The following NRG3 variants were observed in gnomAD, a reference collection of about 807,000 sequenced individuals.
NRG3 encodes neuregulin 3, also known as pro-neuregulin-3, membrane-bound isoform.
In NRG3, 31 loss-of-function variants were observed where a neutral mutation model predicts 66.9. The ratio of observed to expected loss-of-function variants is 0.46; its 90% CI spans 0.35 to 0.63. NRG3 has a LOEUF of 0.63. NRG3 is among the 20% of genes least tolerant of loss of function. NRG3 has a pLI of 0.00. For synonymous variants in NRG3, 393 were observed against 359.4 expected (o/e 1.09, Z -1.06); for missense variants, 910 against 878.9 (o/e 1.04, Z -0.45).
At chr10:82,847,805 G>A (rs191822522) in intron 3 of NRG3, among the ~76,000 whole-genome samples, 2 of 152,268 alleles carry the variant, frequency 1.3e-5, no homozygotes, top group East Asian at 3.9e-4. Context: ...GCTAAATGTG[G>A]ATTAAGAAAT....
intron 4 of NRG3, among the ~76,000 whole-genome samples, chr10:82,876,267 A>T (rs1444954082): frequency 6.6e-6 from 1 of 151,772 alleles, no homozygotes; most frequent in African/African-American, 2.4e-5. Context: ...GTGTGAATAT[A>T]TGGACTTTAG....
intron 4 of NRG3, among the ~76,000 whole-genome samples, chr10:82,908,856 G>A (rs1845021836): frequency 6.6e-6 from 1 of 152,170 alleles, no homozygotes; most frequent in African/African-American, 2.4e-5. Flanking sequence ...GACTGGAGCT[G>A]TGGCAGTCAG....
chr10:82,895,139 A>G (rs899471291), intron 4 of NRG3, among the ~76,000 whole-genome samples: 1 of 151,384 alleles, frequency 6.6e-6, no homozygotes, highest in Non-Finnish European at 1.5e-5. Context: ...TATCCAGTCT[A>G]TCATTGATGG....
intron 6 of NRG3, among the ~76,000 whole-genome samples, chr10:82,967,678 A>G (rs1207953786): frequency 1.3e-5 from 2 of 152,256 alleles, no homozygotes; most frequent in Non-Finnish European, 2.9e-5. Context: ...CTGGTGAGAT[A>G]AGGCTCTGGT....
At chr10:82,269,456 G>A (rs1471935862) in intron 1 of NRG3, among the ~76,000 whole-genome samples, 2 of 152,072 alleles carry the variant, frequency 1.3e-5, no homozygotes, top group East Asian at 3.9e-4. Flanking sequence ...CAGCTTATCT[G>A]TATCTCCAGC....
intron 2 of NRG3, among the ~76,000 whole-genome samples, chr10:82,417,399 G>A (rs1590055879): frequency 6.6e-6 from 1 of 152,160 alleles, no homozygotes; most frequent in Non-Finnish European, 1.5e-5. Context: ...GTATGAAGAA[G>A]GAGCATAGTG....
At chr10:82,531,507 ATATTT>A (rs1208770814) in intron 2 of NRG3, among the ~76,000 whole-genome samples, 1 of 151,814 alleles carries the variant, frequency 6.6e-6, no homozygotes, top group Non-Finnish European at 1.5e-5. Context: ...TTGAATAGAA[ATATTT>A]TATAATCTAC....
At chr10:82,544,362 G>A (rs999754331) in intron 2 of NRG3, among the ~76,000 whole-genome samples, 4 of 152,100 alleles carry the variant, frequency 2.6e-5, no homozygotes. Flanking sequence ...AAAAGTTTCA[G>A]GCTGTGGTAA....
intron 3 of NRG3, among the ~76,000 whole-genome samples, chr10:82,863,055 C>G (rs1443708962): frequency 6.6e-6 from 1 of 152,116 alleles, no homozygotes; most frequent in Non-Finnish European, 1.5e-5. Context: ...GTTCGCCTCC[C>G]TGTGTTCATG....
chr10:82,163,687 A>G (rs1056073323), intron 1 of NRG3, among the ~76,000 whole-genome samples: 9 of 152,108 alleles, frequency 5.9e-5, no homozygotes, highest in South Asian at 2.1e-4. Context: ...AATCTAGGCA[A>G]TGCCTCCAGG....
chr10:82,332,964 A>G (rs1171742365), intron 1 of NRG3, among the ~76,000 whole-genome samples: 1 of 152,200 alleles, frequency 6.6e-6, no homozygotes, highest in African/African-American at 2.4e-5. Flanking sequence ...ATGTTTTTCT[A>G]CTTATATAGC....
At chr10:82,841,195 G>T (rs2063040217) in intron 3 of NRG3, among the ~76,000 whole-genome samples, 1 of 152,140 alleles carries the variant, frequency 6.6e-6, no homozygotes, top group African/African-American at 2.4e-5. Context: ...GGCAAGGAAG[G>T]ATTCTTTCCT....
intron 1 of NRG3, among the ~76,000 whole-genome samples, chr10:81,974,862 G>A (rs1368935515): frequency 1.3e-5 from 2 of 152,060 alleles, no homozygotes; most frequent in Non-Finnish European, 2.9e-5. Context: ...GAGACATTAT[G>A]TATAAGGAAG....
intron 1 of NRG3, among the ~76,000 whole-genome samples, chr10:82,178,738 A>G (rs956335865): frequency 9.2e-5 from 14 of 152,178 alleles, no homozygotes; most frequent in African/African-American, 3.4e-4. Context: ...AAATACCCAA[A>G]AGTAGGATGG....
intron 4 of NRG3, among the ~76,000 whole-genome samples, chr10:82,900,173 T>C (rs1456276340): frequency 6.6e-6 from 1 of 152,096 alleles, no homozygotes; most frequent in Non-Finnish European, 1.5e-5. Context: ...AGGACATCAC[T>C]GAGGGAATGG....
At chr10:82,386,312 G>A (rs2085983450) in intron 2 of NRG3, among the ~76,000 whole-genome samples, 2 of 152,108 alleles carry the variant, frequency 1.3e-5, no homozygotes, top group Non-Finnish European at 1.5e-5. Context: ...CTTATTAAAA[G>A]TCTTTTTTAT....
chr10:81,918,974 A>AACACACACACACACACACAC (rs542060517), intron 1 of NRG3, among the ~76,000 whole-genome samples: 1 of 150,070 alleles, frequency 6.7e-6, no homozygotes, highest in African/African-American at 2.5e-5. Context: ...ATCATAACAA[A>AACACACACACACACACACAC]ACACACACAC....
At chr10:82,424,868 G>T (rs1046684570) in intron 2 of NRG3, among the ~76,000 whole-genome samples, 1 of 151,720 alleles carries the variant, frequency 6.6e-6, no homozygotes, top group African/African-American at 2.4e-5. Flanking sequence ...GTATCTAGTT[G>T]TCTCAGCAGT....
chr10:81,877,589 T>C (rs979105197), intron 1 of NRG3: 1 of 721,516 alleles, frequency 1.4e-6, no homozygotes, highest in Non-Finnish European at 1.7e-6. Context: ...TTAAAGAATG[T>C]AGTGTATTTG....
Sources: gnomAD v4.1 joint callset for allele counts (sites outside exome capture counted in the v4.1 genomes callset) on GRCh38, gnomAD v4.1.1 for gene constraint, MANE v1.5 for transcripts, NCBI Gene and HGNC (gene_info 2026-07-23, HGNC 2026-07-21) for gene names.